The following SGCD variants were observed in gnomAD, a reference collection of about 807,000 sequenced individuals.
SGCD encodes sarcoglycan delta.
A neutral mutation model predicts 36.6 loss-of-function variants in SGCD; 18 were observed. The ratio of observed to expected loss-of-function variants is 0.49; its 90% confidence interval spans 0.34 to 0.73. The LOEUF (loss-of-function observed/expected upper bound fraction) is 0.73, where lower values mean the gene tolerates loss of function less well. Among genes scored for constraint, SGCD ranks in the 30% least tolerant of loss-of-function variants. SGCD has a pLI of 0.01. For missense variants in SGCD, 387 were observed against 346.7 expected, an observed-to-expected ratio of 1.12 and a Z score of -0.92; for synonymous variants, 133 against 130.6, an observed-to-expected ratio of 1.02 and a Z score of -0.12.
intron 1 of SGCD, among the ~76,000 whole-genome samples, chr5:155,916,298 A>C (rs902460832): frequency 6.6e-6 from 1 of 152,202 alleles, no homozygotes. Context: ...GCTGTACTAT[A>C]ATTTCTTTCA....
At chr5:156,581,277 C>G (rs931065670) in intron 4 of SGCD, among the ~76,000 whole-genome samples, 5 of 152,254 alleles carry the variant, frequency 3.3e-5, no homozygotes. Flanking sequence ...GCTGCCTGAT[C>G]CTTCTTCTGG....
chr5:155,961,660 G>A (rs2113450344), intron 1 of SGCD, among the ~76,000 whole-genome samples: 1 of 152,160 alleles, frequency 6.6e-6, no homozygotes, highest in Non-Finnish European at 1.5e-5. Flanking sequence ...AAGAGCCAGA[G>A]TTATCAGCCA....
chr5:155,764,729 G>A, the SGCD span, among the ~76,000 whole-genome samples: 1 of 152,102 alleles, frequency 6.6e-6, no homozygotes, highest in Non-Finnish European at 1.5e-5. Flanking sequence ...GGAAGTGAGT[G>A]TTTTCTGTAA....
intron 3 of SGCD, among the ~76,000 whole-genome samples, chr5:156,450,859 TTTC>T (rs1416460449): frequency 1.3e-5 from 2 of 152,184 alleles, no homozygotes; most frequent in Non-Finnish European, 2.9e-5. Flanking sequence ...TGAAAAGTAC[TTTC>T]TTTTTATATT....
intron 3 of SGCD, among the ~76,000 whole-genome samples, chr5:156,489,687 C>T (rs531815972): frequency 6.6e-6 from 1 of 151,952 alleles, no homozygotes; most frequent in African/African-American, 2.4e-5. Context: ...AAAATGGAAA[C>T]ACAGCATACC....
intron 1 of SGCD, among the ~76,000 whole-genome samples, chr5:155,968,077 T>C (rs1234932944): frequency 1.3e-5 from 2 of 152,142 alleles, no homozygotes; most frequent in Non-Finnish European, 2.9e-5. Context: ...GTTGGGATGA[T>C]GTGTTGGTCA....
chr5:155,819,557 A>C, the SGCD span, among the ~76,000 whole-genome samples: 1 of 152,184 alleles, frequency 6.6e-6, no homozygotes, highest in Non-Finnish European at 1.5e-5. Flanking sequence ...AACCTTGTAA[A>C]ATTGGTACTA....
intron 7 of SGCD, among the ~76,000 whole-genome samples, chr5:156,749,605 T>A (rs1757075562): frequency 6.6e-6 from 1 of 152,092 alleles, no homozygotes; most frequent in Admixed American, 6.6e-5. Flanking sequence ...TTTTTAAAAA[T>A]CTTCTTTATC....
At position 156,732,126 on chromosome 5, in the gene SGCD, G is replaced by A. The variant is rs372045687; in HGVS notation, c.576-25455G>A. Reference sequence around the variant, plus strand: ...TGACTTCCTGTCTTCCTATTTGAATGCCCTTTATTTCTTTCTCACCTGAAT... The same window carrying A: ...TGACTTCCTGTCTTCCTATTTGAATACCCTTTATTTCTTTCTCACCTGAAT... On this transcript the variant is annotated intron_variant, in intron 7 of 8. Transcript: ENST00000337851. 2.0e-5 allele frequency among the ~76,000 whole-genome samples: 3 copies of A among 152,110 alleles called. No homozygotes were observed. In the East Asian group the frequency reaches 5.8e-4, roughly 29 times the overall value.
At chr5:156,341,814 A>G (rs917723344) in intron 2 of SGCD, among the ~76,000 whole-genome samples, 1 of 152,170 alleles carries the variant, frequency 6.6e-6, no homozygotes, top group Non-Finnish European at 1.5e-5. Flanking sequence ...GGGTTCAAGC[A>G]ATTCTCCCTG....
chr5:156,337,806 A>G (rs755353289), intron 2 of SGCD, among the ~76,000 whole-genome samples: 4 of 152,188 alleles, frequency 2.6e-5, no homozygotes, highest in Non-Finnish European at 5.9e-5. Flanking sequence ...ACCTACTGAC[A>G]TATATAGTAG....
At chr5:156,243,622 T>C (rs1007056780) in intron 3 of SGCD, among the ~76,000 whole-genome samples, 1 of 152,210 alleles carries the variant, frequency 6.6e-6, no homozygotes, top group African/African-American at 2.4e-5. Context: ...TGACATCCAA[T>C]AGCATGTAAC....
At chr5:155,785,761 T>C in the SGCD span, among the ~76,000 whole-genome samples, 3 of 152,198 alleles carry the variant, frequency 2.0e-5, no homozygotes, top group Non-Finnish European at 4.4e-5. Flanking sequence ...CACCAGTCTC[T>C]TTAAAAATAC....
the SGCD span, among the ~76,000 whole-genome samples, chr5:155,752,641 A>G: frequency 1.3e-5 from 2 of 152,118 alleles, no homozygotes; most frequent in Admixed American, 6.6e-5. Context: ...TCTACAAAAC[A>G]CTTAGCACAG....
At chr5:156,604,655 C>T (rs1295388766) in intron 6 of SGCD, among the ~76,000 whole-genome samples, 3 of 141,778 alleles carry the variant, frequency 2.1e-5, no homozygotes, top group Admixed American at 1.4e-4. Context: ...TATTTTCTTG[C>T]CTGAAAACAT....
At chr5:156,255,312 T>C (rs2127662776) in intron 3 of SGCD, among the ~76,000 whole-genome samples, 1 of 152,322 alleles carries the variant, frequency 6.6e-6, no homozygotes, top group East Asian at 1.9e-4. Context: ...TATATTACAA[T>C]GTTGGGCTCA....
intron 3 of SGCD, among the ~76,000 whole-genome samples, chr5:156,279,825 G>A (rs1485301537): frequency 6.6e-6 from 1 of 152,092 alleles, no homozygotes; most frequent in East Asian, 1.9e-4. Context: ...ACACAGAGGT[G>A]AGTACAGTTT....
At chr5:156,726,980 G>A (rs1261369864) in intron 7 of SGCD, among the ~76,000 whole-genome samples, 2 of 152,158 alleles carry the variant, frequency 1.3e-5, no homozygotes, top group Non-Finnish European at 2.9e-5. Flanking sequence ...TCTACATTTA[G>A]TACTATGGTA....
At chr5:155,850,375 A>C in the SGCD span, among the ~76,000 whole-genome samples, 1 of 152,014 alleles carries the variant, frequency 6.6e-6, no homozygotes, top group African/African-American at 2.4e-5. Context: ...AAACAGGGGA[A>C]TTTTTTTGCA....
Sources: gnomAD v4.1 joint callset for allele counts (sites outside exome capture counted in the v4.1 genomes callset) on GRCh38, gnomAD v4.1.1 for gene constraint, MANE v1.5 for transcripts, NCBI Gene and HGNC (gene_info 2026-07-23, HGNC 2026-07-21) for gene names.